The following ITGA11 variants were observed in gnomAD, a reference collection of about 807,000 sequenced individuals.
The protein encoded by ITGA11 is integrin subunit alpha 11, also known as integrin alpha-11.
A neutral mutation model predicts 141.9 loss-of-function variants in ITGA11; 97 were observed. The observed-to-expected ratio is 0.68, with a 90% CI of 0.58 to 0.81. ITGA11 has a LOEUF of 0.81. ITGA11 is among the 30% of genes least tolerant of loss of function. ITGA11 has a pLI of 0.00. For synonymous variants in ITGA11, 658 were observed against 624.6 expected, an observed-to-expected ratio of 1.05 and a Z score of -0.80; for missense variants, 1,387 against 1,559.2, an observed-to-expected ratio of 0.89 and a Z score of 1.86.
intron 10 of ITGA11, among the ~76,000 whole-genome samples, chr15:68,347,186 G>GC (rs1437342267): frequency 6.6e-6 from 1 of 152,170 alleles, no homozygotes. Flanking sequence ...GACTCTGCTG[G>GC]CCCCCACATG....
intron 2 of ITGA11, among the ~76,000 whole-genome samples, chr15:68,396,287 T>C (rs2140397904): frequency 6.6e-6 from 1 of 152,002 alleles, no homozygotes; most frequent in South Asian, 2.1e-4. Flanking sequence ...ATCAATGTAA[T>C]TAACCATATT....
Position 68,333,289 on chromosome 15 carries a change from TG to T in ITGA11, c.1426-812del, listed in dbSNP as rs950250850. 1.3e-5 allele frequency among the ~76,000 whole-genome samples: 2 copies of T among 152,130 alleles called. No individual in the cohort carries two copies. Among genetic ancestry groups the T allele is most frequent in the African/African-American group, 4.8e-5 (2 of 41,432 alleles). On this transcript the variant is annotated intron_variant, in intron 12 of 29. Transcript: ENST00000315757. This position sits in a 1 kb window ranked among gnomAD's most constrained non-coding sequence, Gnocchi z 4.2. Reference sequence around the variant, plus strand: ...TGTTTTAAAAAATTATTTGTAGAGATGGGGTCTCACTATGTTGCCCAGGCTG... The same window carrying T: ...TGTTTTAAAAAATTATTTGTAGAGATGGGTCTCACTATGTTGCCCAGGCTG...
chr15:68,426,102 C>T (rs1216097692), intron 1 of ITGA11, among the ~76,000 whole-genome samples: 9 of 152,212 alleles, frequency 5.9e-5, no homozygotes, highest in Admixed American at 5.2e-4. Context: ...TTGGACTACA[C>T]CAGGTAGGTC....
rs1274628703 is a variant in ITGA11, at chr15:68,322,581, G to A, written c.2323-1078C>T. On this transcript the variant is annotated intron_variant, in intron 18 of 29. Coordinates refer to ENST00000315757, the MANE Select transcript of ITGA11 (RefSeq NM_001004439.2). The surrounding 1 kb of genome is among the most constrained non-coding windows in gnomAD (Gnocchi z 5.6). ...CATGGCATTTGGTAATAAAAGCAGG[G>A]GTTGGCTGGGCGTGGTGGCTCACAC... 1.3e-5 allele frequency among the ~76,000 whole-genome samples: 2 copies of A among 151,994 alleles called. No homozygotes were observed. Among genetic ancestry groups the A allele is most frequent in the Non-Finnish European group, 2.9e-5 (2 of 67,996 alleles).
chr15:68,349,474 C>T lies in ITGA11; in HGVS notation c.1061-574G>A, dbSNP rs71400398. Among the ~76,000 whole-genome samples, 15 of 152,256 alleles carry T rather than the reference C, an allele frequency of 9.9e-5. No individual in the cohort carries two copies. The South Asian group carries it at 1.2e-3, about 13-fold the overall frequency. The stretch of plus-strand genomic sequence containing the variant: ...GATCGAATGTTCTCATCACTCAAGG[C>T]GACCATTTTGAGGAGAAATACAGAT... On this transcript the variant is annotated intron_variant, in intron 9 of 29. Coordinates refer to ENST00000315757, the MANE Select transcript of ITGA11 (RefSeq NM_001004439.2).
At chr15:68,403,609 C>T (rs972536653) in intron 1 of ITGA11, among the ~76,000 whole-genome samples, 5 of 113,036 alleles carry the variant, frequency 4.4e-5, no homozygotes, top group African/African-American at 1.9e-4. Context: ...CAAAATAAAC[C>T]TCTTTTCTTT....
chr15:68,336,972 G>C (rs2140311220), intron 11 of ITGA11, among the ~76,000 whole-genome samples: 1 of 152,294 alleles, frequency 6.6e-6, no homozygotes, highest in East Asian at 1.9e-4. Context: ...AGGCTTGACA[G>C]GTCCATAATA....
At chr15:68,316,546 C>T (rs1893584163) in intron 21 of ITGA11, among the ~76,000 whole-genome samples, 1 of 152,222 alleles carries the variant, frequency 6.6e-6, no homozygotes, top group African/African-American at 2.4e-5. Context: ...TGCCTCAACC[C>T]AGAAACCACA....
intron 2 of ITGA11, among the ~76,000 whole-genome samples, chr15:68,378,007 A>G (rs1172071678): frequency 6.6e-6 from 1 of 152,230 alleles, no homozygotes; most frequent in Non-Finnish European, 1.5e-5. Flanking sequence ...TTTCTGATAG[A>G]GAAGCATACT....
rs566029924 is a variant in ITGA11 at position 68,308,147 on chromosome 15, A to G, written c.3175-451T>C. Reference sequence around the variant, plus strand: ...TTCATAAAGTTCATGGAAAATGTGTATTATGGAAAAATTATGCATGGATTC... The same window carrying G: ...TTCATAAAGTTCATGGAAAATGTGTGTTATGGAAAAATTATGCATGGATTC... On this transcript the variant is annotated intron_variant, in intron 26 of 29. Coordinates refer to ENST00000315757, the MANE Select transcript of ITGA11 (RefSeq NM_001004439.2). The surrounding 1 kb of genome is among the most constrained non-coding windows in gnomAD (Gnocchi z 5.2). Among the ~76,000 whole-genome samples the G allele has an allele frequency of 6.6e-6, 1 of 152,304 alleles. No homozygotes were observed. The highest frequency in any genetic ancestry group is 2.4e-5 in the African/African-American group (1 of 41,564).
chr15:68,365,398 G>T, intron 3 of ITGA11: 1 of 929,624 alleles, frequency 1.1e-6, no homozygotes, highest in South Asian at 4.9e-5. Flanking sequence ...CTTAGGAGCT[G>T]GGTTATCAGC....
In ITGA11 at chr15:68,308,385, A is replaced by G. The variant is rs1893267428; in HGVS notation, c.3175-689T>C. ...ACAGTGAAATCACTGATGCTTTATA[A>G]AAAGTTGATGGGGATGATATCACAA... On this transcript the variant is annotated intron_variant, in intron 26 of 29. Transcript: ENST00000315757. This position sits in a 1 kb window ranked among gnomAD's most constrained non-coding sequence, Gnocchi z 5.2. Among the ~76,000 whole-genome samples the G allele has an allele frequency of 6.6e-6, 1 of 152,214 alleles. No homozygotes were observed. Among genetic ancestry groups the G allele is most frequent in the African/African-American group, 2.4e-5 (1 of 41,446 alleles).
intron 23 of ITGA11, among the ~76,000 whole-genome samples, 191 bp from the exon 24 acceptor site, chr15:68,313,054 G>C (rs1893448027): frequency 1.3e-5 from 2 of 152,194 alleles, no homozygotes; most frequent in African/African-American, 4.8e-5. Flanking sequence ...CGCTGCCATG[G>C]GTGAGCAATG....
At chr15:68,366,329 T>C (rs1396047254) in intron 3 of ITGA11, among the ~76,000 whole-genome samples, 2 of 152,042 alleles carry the variant, frequency 1.3e-5, no homozygotes, top group Non-Finnish European at 2.9e-5. Context: ...TAGAGAGGGT[T>C]AGTGACTGCC....
chr15:68,379,668 G>A (rs940593899), intron 2 of ITGA11, among the ~76,000 whole-genome samples: 13 of 152,182 alleles, frequency 8.5e-5, no homozygotes, highest in Non-Finnish European at 1.5e-4. Flanking sequence ...TGTTCTCCCC[G>A]CAGAGAGGCT....
intron 26 of ITGA11, among the ~76,000 whole-genome samples, chr15:68,309,237 G>T (rs1034069787): frequency 6.6e-6 from 1 of 152,158 alleles, no homozygotes; most frequent in African/African-American, 2.4e-5. Context: ...ACAGTTTTTC[G>T]GAATGCTCAG....
rs1488872684 is a variant in ITGA11, at chr15:68,304,516, G to A, written c.3382-631C>T. 6.6e-6 allele frequency among the ~76,000 whole-genome samples: 1 copy of A among 152,150 alleles called. No individual in the cohort carries two copies. The highest frequency in any genetic ancestry group is 1.5e-5 in the Non-Finnish European group (1 of 68,032). On this transcript the variant is annotated intron_variant, in intron 28 of 29. Coordinates refer to ENST00000315757, the MANE Select transcript of ITGA11 (RefSeq NM_001004439.2). The surrounding 1 kb of genome is among the most constrained non-coding windows in gnomAD (Gnocchi z 6.1). ...GGTGTCCCAAAGGCAAAAGTGGCCA[G>A]GGCGTGAAGGTCAGAAAGTAAGCCC...
At chr15:68,425,382 T>A (rs1897119366) in intron 1 of ITGA11, among the ~76,000 whole-genome samples, 1 of 152,230 alleles carries the variant, frequency 6.6e-6, no homozygotes, top group Admixed American at 6.5e-5. Flanking sequence ...AAGTAACTGG[T>A]CCTGCATGTG....
chr15:68,418,953 G>T (rs1420157056), intron 1 of ITGA11, among the ~76,000 whole-genome samples: 1 of 152,002 alleles, frequency 6.6e-6, no homozygotes, highest in Non-Finnish European at 1.5e-5. Flanking sequence ...TCCCTCAGAC[G>T]AGAGGAAGTA....
Sources: gnomAD v4.1 joint callset for allele counts (sites outside exome capture counted in the v4.1 genomes callset) on GRCh38, gnomAD v4.1.1 for gene constraint, Gnocchi (gnomAD v3.1) non-coding constraint, MANE v1.5 for transcripts, NCBI Gene and HGNC (gene_info 2026-07-23, HGNC 2026-07-21) for gene names.